CLSTN2: variants seen among roughly 807,000 people sequenced by gnomAD.
CLSTN2 encodes the protein calsyntenin-2.
Under a neutral mutation model 101.2 loss-of-function variants are expected in CLSTN2, and 48 were observed. The observed-to-expected ratio is 0.47, with a 90% CI of 0.38 to 0.60. The LOEUF (loss-of-function observed/expected upper bound fraction) is 0.60, where lower values mean the gene tolerates loss of function less well. Among genes scored for constraint, CLSTN2 ranks in the 20% least tolerant of loss-of-function variants. The pLI is 0.00. For synonymous variants in CLSTN2, 481 were observed against 463.6 expected, an observed-to-expected ratio of 1.04 and a Z score of -0.48; for missense variants, 1,160 against 1,238.2, an observed-to-expected ratio of 0.94 and a Z score of 0.95.
chr3:139,965,234 T>A (rs1333858747), intron 1 of CLSTN2, among the ~76,000 whole-genome samples: 1 of 152,180 alleles, frequency 6.6e-6, no homozygotes, highest in Non-Finnish European at 1.5e-5. Context: ...TGGGAAGGAT[T>A]GGAATTGATT....
chr3:140,181,950 G>T, intron 2 of CLSTN2, among the ~76,000 whole-genome samples: 1 of 152,166 alleles, frequency 6.6e-6, no homozygotes, highest in Non-Finnish European at 1.5e-5. Context: ...GTCATTGGAA[G>T]TACAAGATTT....
chr3:140,283,079 A>G lies in CLSTN2; in HGVS notation c.232+107006A>G, dbSNP rs897345380. 2.0e-5 allele frequency among the ~76,000 whole-genome samples: 3 copies of G among 152,086 alleles called. No individual in the cohort carries two copies. The South Asian group carries it at 6.2e-4, about 32-fold the overall frequency. On this transcript the variant is annotated intron_variant, in intron 2 of 16. Coordinates refer to ENST00000458420, the MANE Select transcript of CLSTN2 (RefSeq NM_022131.3). The stretch of plus-strand genomic sequence containing the variant: ...CTAAATCATGTTGTTCAGAGTTCCT[A>G]TTTTCCAATTGTAAGCAGACATTTA...
Position 140,566,448 on chromosome 3 carries a change from A to G in CLSTN2, c.*195A>G. ...ATGGGGAAGTTCCAAGAAGCCCAGC[A>G]TGGCCATCAGTGAGGACTTCAGGGT... On this transcript the variant is annotated 3_prime_UTR_variant, in exon 17 of 17. Transcript: ENST00000458420. 1.6e-6 allele frequency: 1 copy of G among 613,012 alleles called. No homozygotes were observed. The allele number at this position is 613,012 out of a possible 1,614,324, so 38.0% of individuals were successfully genotyped here.
intron 1 of CLSTN2, among the ~76,000 whole-genome samples, chr3:139,942,263 CCT>C (rs1472051468): frequency 3.9e-5 from 6 of 152,260 alleles, no homozygotes; most frequent in Admixed American, 1.3e-4. Flanking sequence ...GTGAGCAATA[CCT>C]GTTTCTTCTC....
At chr3:140,319,808 C>A (rs542879141) in intron 2 of CLSTN2, among the ~76,000 whole-genome samples, 70 of 152,364 alleles carry the variant, frequency 4.6e-4, no homozygotes, top group African/African-American at 1.5e-3. Flanking sequence ...AAATAATAAT[C>A]ATTTTGCTCT....
At chr3:140,382,569 C>T (rs80230663) in intron 2 of CLSTN2, among the ~76,000 whole-genome samples, 1 of 152,286 alleles carries the variant, frequency 6.6e-6, no homozygotes, top group East Asian at 1.9e-4. Flanking sequence ...GTGGGCTGTG[C>T]TCTACCTCAT....
intron 1 of CLSTN2, among the ~76,000 whole-genome samples, chr3:140,044,612 T>A (rs1281705892): frequency 6.6e-6 from 1 of 152,234 alleles, no homozygotes; most frequent in Non-Finnish European, 1.5e-5. Flanking sequence ...TGTGGCAGTT[T>A]TCAAAGGGAA....
At chr3:140,474,581 A>G (rs1181462665) in intron 8 of CLSTN2, among the ~76,000 whole-genome samples, 1 of 152,184 alleles carries the variant, frequency 6.6e-6, no homozygotes, top group Non-Finnish European at 1.5e-5. Flanking sequence ...GTAGTAAAGC[A>G]AATTCATGAA....
At chr3:140,467,357 T>C (rs1232580843) in intron 8 of CLSTN2, among the ~76,000 whole-genome samples, 2 of 152,224 alleles carry the variant, frequency 1.3e-5, no homozygotes, top group Middle Eastern at 3.2e-3. Flanking sequence ...GTGGAAGTAG[T>C]ACTCACTTTT....
chr3:140,555,976 C>T (rs1031536018), intron 10 of CLSTN2, among the ~76,000 whole-genome samples: 2 of 152,104 alleles, frequency 1.3e-5, no homozygotes, highest in African/African-American at 4.8e-5. Flanking sequence ...CAGAGTTTAG[C>T]ACTTGAAAAG....
At chr3:140,385,678 C>T (rs2088044572) in intron 2 of CLSTN2, among the ~76,000 whole-genome samples, 1 of 152,076 alleles carries the variant, frequency 6.6e-6, no homozygotes, top group African/African-American at 2.4e-5. Context: ...CGCCCGGCCC[C>T]TGATGTTCTA....
At chr3:140,488,638 CTTTTTTTTTTTTTT>C (rs66504085) in intron 8 of CLSTN2, among the ~76,000 whole-genome samples, 1 of 73,694 alleles carries the variant, frequency 1.4e-5, no homozygotes, top group East Asian at 4.3e-4. Flanking sequence ...TTAATACGTG[CTTTTTTTTTTTTTT>C]TTTTTTTTTT....
chr3:140,058,482 C>G (rs1000574478), intron 1 of CLSTN2, among the ~76,000 whole-genome samples: 1 of 152,076 alleles, frequency 6.6e-6, no homozygotes, highest in Non-Finnish European at 1.5e-5. Context: ...AATTTGCATG[C>G]CTGGAGCGGA....
At chr3:140,376,622 T>C (rs902978527) in intron 2 of CLSTN2, among the ~76,000 whole-genome samples, 1 of 152,238 alleles carries the variant, frequency 6.6e-6, no homozygotes, top group Admixed American at 6.5e-5. Flanking sequence ...GTTGCTGTTG[T>C]TTTTCACAAC....
At chr3:140,099,443 C>T (rs1463203207) in intron 1 of CLSTN2, among the ~76,000 whole-genome samples, 2 of 152,080 alleles carry the variant, frequency 1.3e-5, no homozygotes, top group African/African-American at 4.8e-5. Context: ...CTTATAGGGA[C>T]TCTTGTCATT....
chr3:140,226,671 G>C (rs893829315), intron 2 of CLSTN2, among the ~76,000 whole-genome samples: 1 of 152,122 alleles, frequency 6.6e-6, no homozygotes, highest in Non-Finnish European at 1.5e-5. Flanking sequence ...TGCAGTGCTG[G>C]TGTATTAGTC....
chr3:139,937,554 T>A (rs1027967982), intron 1 of CLSTN2, among the ~76,000 whole-genome samples: 34 of 141,674 alleles, frequency 2.4e-4, no homozygotes, highest in Non-Finnish European at 3.2e-4. Context: ...CTGACCAACA[T>A]GGAGAAACCC....
chr3:140,143,016 T>A (rs2009727159), intron 1 of CLSTN2, among the ~76,000 whole-genome samples: 1 of 152,160 alleles, frequency 6.6e-6, no homozygotes, highest in African/African-American at 2.4e-5. Context: ...AGCCATATTT[T>A]TTCATCTGTT....
intron 1 of CLSTN2, among the ~76,000 whole-genome samples, chr3:140,173,943 G>A (rs1377833377): frequency 6.6e-6 from 1 of 152,132 alleles, no homozygotes; most frequent in Non-Finnish European, 1.5e-5. Flanking sequence ...AACATGCCCT[G>A]GAGACATTTT....
Sources: gnomAD v4.1 joint callset for allele counts (sites outside exome capture counted in the v4.1 genomes callset) on GRCh38, gnomAD v4.1.1 for gene constraint, MANE v1.5 for transcripts, NCBI Gene and HGNC (gene_info 2026-07-23, HGNC 2026-07-21) for gene names.